The following CFAP251 variants were observed in gnomAD, a reference collection of about 807,000 sequenced individuals.
CFAP251 encodes cilia and flagella associated protein 251.
In CFAP251, 93 loss-of-function variants were observed where a neutral mutation model predicts 126.7. The observed-to-expected ratio is 0.73, with a 90% CI of 0.62 to 0.87. The LOEUF (loss-of-function observed/expected upper bound fraction) is 0.87. Ranked by LOEUF, CFAP251 falls within the 40% of genes least tolerant of loss-of-function variation. CFAP251 has a pLI of 0.00. For synonymous variants in CFAP251, 503 were observed against 506.9 expected, an observed-to-expected ratio of 0.99 and a Z score of 0.10; for missense variants, 1,287 against 1,389.2, an observed-to-expected ratio of 0.93 and a Z score of 1.17.
chr12:121,931,591 G>A (rs536586590), intron 3 of CFAP251, among the ~76,000 whole-genome samples, 155 bp from the exon 4 acceptor site: 1 of 152,340 alleles, frequency 6.6e-6, no homozygotes, highest in Admixed American at 6.5e-5. Context: ...GGGATTACAG[G>A]CATGAGCCAC....
At chr12:121,924,814 T>G (rs1880344321) in intron 3 of CFAP251, among the ~76,000 whole-genome samples, 1 of 152,186 alleles carries the variant, frequency 6.6e-6, no homozygotes, top group Non-Finnish European at 1.5e-5. Flanking sequence ...GCATCTGCGT[T>G]CAATGGTGTT....
intron 15 of CFAP251, among the ~76,000 whole-genome samples, chr12:121,963,444 C>T (rs1363092394): frequency 5.3e-5 from 8 of 151,414 alleles, no homozygotes; most frequent in Non-Finnish European, 8.8e-5. Context: ...GTGGAGGTCC[C>T]GGGAGAGGCT....
rs544720400 is a variant in CFAP251, at chr12:121,931,370, TGGCGCGATCTCGGCTCACTGCAAC to T, written c.748-375_748-352del. On this transcript the variant is annotated intron_variant, in intron 3 of 21. Coordinates refer to ENST00000288912, the MANE Select transcript of CFAP251 (RefSeq NM_144668.6). ...CACTGTCGCCCGGGCTGGAGTGCGA[TGGCGCGATCTCGGCTCACTGCAAC>T]CTCCGCCTCCCGGGTTCAAGTGATT... 4.8e-3 allele frequency among the ~76,000 whole-genome samples: 731 copies of T among 152,226 alleles called. 10 individuals are homozygous for T. Among genetic ancestry groups the T allele is most frequent in the African/African-American group, 0.017 (690 of 41,546 alleles).
At chr12:121,936,422 G>C (rs1880897685) in intron 5 of CFAP251, among the ~76,000 whole-genome samples, 1 of 152,220 alleles carries the variant, frequency 6.6e-6, no homozygotes, top group Admixed American at 6.5e-5. Flanking sequence ...ACTCCTGCCA[G>C]GGCGACAGAG....
chr12:121,951,533 G>A lies in CFAP251; in HGVS notation c.1320+3G>A. On this transcript the variant is annotated splice_donor_region_variant and intron_variant, in intron 9 of 21. Coordinates refer to ENST00000288912, the MANE Select transcript of CFAP251 (RefSeq NM_144668.6). ...GTGCCCCACTTTTAACTGAAAAAGT[G>A]AGTATGCCTATTGCATTTTTGTCCA... 6.3e-7 allele frequency: 1 copy of A among 1,585,182 alleles called. No individual in the cohort carries two copies. The highest frequency in any genetic ancestry group is 1.1e-5 in the South Asian group (1 of 88,754).
intron 7 of CFAP251, chr12:121,948,727 A>AG (rs1213090101): frequency 3.8e-6 from 1 of 259,888 alleles, no homozygotes; most frequent in Non-Finnish European, 7.2e-6. Context: ...CTCAAAAAAA[A>AG]AAAAAGAAAA....
At chr12:121,938,390 C>T (rs769436580) in intron 5 of CFAP251, among the ~76,000 whole-genome samples, 1 of 151,956 alleles carries the variant, frequency 6.6e-6, no homozygotes, top group Non-Finnish European at 1.5e-5. Context: ...GGCACAATCT[C>T]AGCTCACTGC....
intron 1 of CFAP251, among the ~76,000 whole-genome samples, chr12:121,920,895 C>T (rs897686538): frequency 1.3e-5 from 2 of 148,854 alleles, no homozygotes; most frequent in Admixed American, 6.6e-5. Context: ...GTTACCCAGG[C>T]TGGAGTGCAA....
chr12:121,975,340 T>G lies in CFAP251; in HGVS notation c.2862+6T>G, dbSNP rs1294679711. 6.2e-7 allele frequency: 1 copy of G among 1,613,466 alleles called. No individual in the cohort carries two copies. Among genetic ancestry groups the G allele is most frequent in the Admixed American group, 1.7e-5 (1 of 60,010 alleles). ...GGGAAGGAAAATTCTACAGGGTAAT[T>G]GTCCCTAGAGTAAACACCTCCTGGT... On this transcript the variant is annotated splice_donor_region_variant and intron_variant, in intron 18 of 21. Transcript: ENST00000288912.
intron 12 of CFAP251, 41 bp downstream of exon 12, chr12:121,958,563 C>G: frequency 6.2e-7 from 1 of 1,610,412 alleles, no homozygotes; most frequent in African/African-American, 1.3e-5. Context: ...TCCACATGGA[C>G]AGCCCTGAAA....
intron 19 of CFAP251, among the ~76,000 whole-genome samples, chr12:121,982,873 A>G (rs1221930699): frequency 6.6e-6 from 1 of 152,128 alleles, no homozygotes; most frequent in Non-Finnish European, 1.5e-5. Flanking sequence ...AGGCTGAGGC[A>G]GGAGGATCAC....
rs1287149761 is a variant in CFAP251 at position 121,974,041 on chromosome 12, G to A, written c.2772-1203G>A. Among the ~76,000 whole-genome samples the A allele has an allele frequency of 2.0e-5, 3 of 152,146 alleles. No individual in the cohort carries two copies. The highest frequency in any genetic ancestry group is 4.4e-5 in the Non-Finnish European group (3 of 68,036). ...CTCCACCCAAATCTCATCTTGAATTGTACTCCCATAATTCCCATGTGTTGT... is the reference window on the plus strand; with the variant it reads ...CTCCACCCAAATCTCATCTTGAATTATACTCCCATAATTCCCATGTGTTGT... On this transcript the variant is annotated intron_variant, in intron 17 of 21. Coordinates refer to ENST00000288912, the MANE Select transcript of CFAP251 (RefSeq NM_144668.6). This position sits in a 1 kb window ranked among gnomAD's most constrained non-coding sequence, Gnocchi z 4.6.
Position 121,999,862 on chromosome 12 carries a change from C to T in CFAP251, c.3153C>T (p.Ser1051=), listed in dbSNP as rs373370869. 1.2e-5 allele frequency: 20 copies of T among 1,614,056 alleles called. 1 individual carries two copies. The highest frequency in any genetic ancestry group is 9.9e-5 in the South Asian group (9 of 91,088). ...ACACCATGAGTGGCATCCACAAGAG[C>T]TTTGAGGTGCTCGGTTATACCAACT... ...FGNTMSGIHK[S]FEVLGYTNSK... Residue 1051 remains serine (S), a synonymous_variant, in exon 20 of 22, where the codon AGC becomes AGT. Transcript: ENST00000288912.
At chr12:121,935,746 C>T (rs182478960) in intron 5 of CFAP251, among the ~76,000 whole-genome samples, 130 of 152,280 alleles carry the variant, frequency 8.5e-4, no homozygotes, top group African/African-American at 3.1e-3. Context: ...TAAACCAGTC[C>T]AGGTGGTGAG....
intron 7 of CFAP251, chr12:121,948,504 T>A (rs1452277353): frequency 6.6e-6 from 1 of 152,620 alleles, no homozygotes; most frequent in Non-Finnish European, 1.5e-5. Context: ...GGTGGATCGC[T>A]TGAGGTAGGG....
At chr12:121,982,080 T>C (rs1029682277) in intron 19 of CFAP251, among the ~76,000 whole-genome samples, 1 of 152,226 alleles carries the variant, frequency 6.6e-6, no homozygotes, top group African/African-American at 2.4e-5. Context: ...TCTCTGACCT[T>C]GTGCTTCTTT....
intron 21 of CFAP251, among the ~76,000 whole-genome samples, chr12:122,002,809 T>C (rs1273876785): frequency 6.6e-6 from 1 of 152,128 alleles, no homozygotes; most frequent in Non-Finnish European, 1.5e-5. Flanking sequence ...AGCCCGGGGA[T>C]GGTCAGATCC....
chr12:121,945,517 G>A (rs1481488928), intron 7 of CFAP251, among the ~76,000 whole-genome samples: 2 of 145,370 alleles, frequency 1.4e-5, no homozygotes, highest in Admixed American at 1.4e-4. Flanking sequence ...CTAATTTTTT[G>A]TATTTTTAGT....
At chr12:121,994,371 C>T (rs12368998) in intron 19 of CFAP251, among the ~76,000 whole-genome samples, 2,112 of 40,118 alleles carry the variant, frequency 0.053, 344 homozygotes, top group Middle Eastern at 0.21. Context: ...CCGCCCCGTC[C>T]GGGAGGTGAG....
Sources: gnomAD v4.1 joint callset for allele counts (sites outside exome capture counted in the v4.1 genomes callset) on GRCh38, gnomAD v4.1.1 for gene constraint, Gnocchi (gnomAD v3.1) non-coding constraint, MANE v1.5 for transcripts, NCBI Gene and HGNC (gene_info 2026-07-23, HGNC 2026-07-21) for gene names.